Variants in RFX1 observed in about 807,000 individuals in gnomAD.
RFX1 encodes MHC class II regulatory factor RFX1.
RFX1 carries 42 observed loss-of-function variants against 119.6 expected under a neutral mutation model. The observed-to-expected ratio is 0.35, with a 90% CI of 0.27 to 0.45. RFX1 has a LOEUF of 0.45. Ranked by LOEUF, RFX1 falls within the 20% of genes least tolerant of loss-of-function variation. RFX1 has a pLI of 1.00. For missense variants in RFX1, 1,118 were observed against 1,368.1 expected (o/e 0.82, Z 2.88); for synonymous variants, 628 against 618.5 (o/e 1.02, Z -0.23).
Position 13,969,826 on chromosome 19 carries a change from C to T in RFX1, c.1496+168G>A, listed in dbSNP as rs749172480. The T allele has an allele frequency of 2.1e-4, 123 of 591,332 alleles. No individual in the cohort carries two copies. The highest frequency in any genetic ancestry group is 3.2e-4 in the Non-Finnish European group (111 of 349,250). 36.6% of individuals were successfully genotyped at this position (591,332 alleles called of 1,614,324 possible). On this transcript the variant is annotated intron_variant, in intron 10 of 20. Transcript: ENST00000254325. The surrounding 1 kb of genome is among the most constrained non-coding windows in gnomAD (Gnocchi z 4.5). Reference sequence around the variant, plus strand: ...GAGAAGCACATGAGGTGGAAGGCACCGCCAGTGCAAAGGCCTAGAGTGGGA... The same window carrying T: ...GAGAAGCACATGAGGTGGAAGGCACTGCCAGTGCAAAGGCCTAGAGTGGGA...
rs1395598181 is a variant in RFX1, at chr19:13,986,772, C to A, written c.320-3177G>T. On this transcript the variant is annotated intron_variant, in intron 2 of 20. Transcript: ENST00000254325. This position sits in a 1 kb window ranked among gnomAD's most constrained non-coding sequence, Gnocchi z 4.2. ...GCACCCATCCTCCCCGGGCCCCGCA[C>A]TTCCCCATCTAGACCTACTCAAACC... Among the ~76,000 whole-genome samples the A allele has an allele frequency of 6.6e-6, 1 of 152,168 alleles. No individual in the cohort carries two copies. The highest frequency in any genetic ancestry group is 1.5e-5 in the Non-Finnish European group (1 of 68,010).
At chr19:13,979,228 C>G (rs913713652) in intron 7 of RFX1, among the ~76,000 whole-genome samples, 2 of 152,202 alleles carry the variant, frequency 1.3e-5, no homozygotes, top group African/African-American at 4.8e-5. Flanking sequence ...TTAGAACTGA[C>G]CCAGGGCCAC....
intron 1 of RFX1, among the ~76,000 whole-genome samples, chr19:13,996,935 G>A (rs1245147083): frequency 1.3e-5 from 2 of 152,078 alleles, no homozygotes; most frequent in African/African-American, 4.8e-5. Flanking sequence ...TGTTGGTTGG[G>A]CAGGTCTTGA....
rs751268475 is a variant in RFX1, at chr19:13,969,431, T to A, written c.1497-537A>T. On this transcript the variant is annotated intron_variant, in intron 10 of 20. Coordinates refer to ENST00000254325, the MANE Select transcript of RFX1 (RefSeq NM_002918.5). This position sits in a 1 kb window ranked among gnomAD's most constrained non-coding sequence, Gnocchi z 4.5. ...ACTTTGGGAGGCCAAGGCAGGTGGA[T>A]CACTTGAGGACAGGAGTTCAAGACC... 6.6e-6 allele frequency among the ~76,000 whole-genome samples: 1 copy of A among 151,962 alleles called. No homozygotes were observed. The highest frequency in any genetic ancestry group is 2.4e-5 in the African/African-American group (1 of 41,354).
chr19:13,988,239 C>G (rs989100846), intron 2 of RFX1, among the ~76,000 whole-genome samples: 1 of 152,046 alleles, frequency 6.6e-6, no homozygotes, highest in Non-Finnish European at 1.5e-5. Flanking sequence ...GTTGGCCAGG[C>G]TGGTCTTGAA....
At chr19:13,979,086 GACAA>G (rs1974348227) in intron 7 of RFX1, among the ~76,000 whole-genome samples, 2 of 151,902 alleles carry the variant, frequency 1.3e-5, no homozygotes, top group South Asian at 2.1e-4. Flanking sequence ...AGCTCTGGAG[GACAA>G]ACAGAGACAC....
At position 13,995,851 on chromosome 19, in the gene RFX1, CAAAAA is replaced by C. The variant is rs57542235; in HGVS notation, c.-52-1961_-52-1957del. On this transcript the variant is annotated intron_variant, in intron 1 of 20. Coordinates refer to ENST00000254325, the MANE Select transcript of RFX1 (RefSeq NM_002918.5). The stretch of plus-strand genomic sequence containing the variant: ...GGGCAACAAAGTGACACTCTGTCTC[CAAAAA>C]AAAAAAAAAAAAAAAAAAAAAATTA... Among the ~76,000 whole-genome samples, 112 of 35,616 alleles carry C rather than the reference CAAAAA, an allele frequency of 3.1e-3. 1 individual carries two copies. The highest frequency in any genetic ancestry group is 7.1e-3 in the African/African-American group (101 of 14,138). The allele number at this position is 35,616 out of a possible 152,430, so 23.4% of individuals were successfully genotyped here.
In RFX1 at chr19:13,966,236, T is replaced by C. The variant is rs1973892597; in HGVS notation, c.1961+185A>G. Among the ~76,000 whole-genome samples, 1 of 152,146 alleles carries C rather than the reference T, an allele frequency of 6.6e-6. No homozygotes were observed. Among genetic ancestry groups the C allele is most frequent in the African/African-American group, 2.4e-5 (1 of 41,416 alleles). ...TGGTGCCCTGCCCCATGCCTGGGCT[T>C]AGTCAGGCACTCCACCCCCGACTGT... is the stretch of plus-strand genomic sequence containing the variant. On this transcript the variant is annotated intron_variant, in intron 14 of 20. Transcript: ENST00000254325. This position sits in a 1 kb window ranked among gnomAD's most constrained non-coding sequence, Gnocchi z 6.3.
chr19:13,981,904 G>A (rs375895283), intron 5 of RFX1, among the ~76,000 whole-genome samples: 129 of 152,336 alleles, frequency 8.5e-4, no homozygotes, highest in African/African-American at 2.2e-3. Flanking sequence ...CTCCACGGCC[G>A]CTTAGCTCAG....
At chr19:14,000,824 G>C (rs1427651811) in intron 1 of RFX1, among the ~76,000 whole-genome samples, 1 of 152,078 alleles carries the variant, frequency 6.6e-6, no homozygotes, top group Non-Finnish European at 1.5e-5. Context: ...GACAGGCATG[G>C]CGGCTCACGC....
chr19:13,978,973 G>C (rs936474942), intron 7 of RFX1, among the ~76,000 whole-genome samples: 70 of 151,416 alleles, frequency 4.6e-4, no homozygotes, highest in Non-Finnish European at 9.1e-4. Flanking sequence ...GCCTAGCTGC[G>C]GGGCCTCGCC....
At chr19:13,983,108 G>C in intron 4 of RFX1, 79 bp downstream of exon 4, 1 of 1,122,400 alleles carries the variant, frequency 8.9e-7, no homozygotes, top group Non-Finnish European at 1.3e-6. Flanking sequence ...GGTGAGGACA[G>C]ATCCAGGCTT....
At chr19:14,006,052 C>T in intron 1 of RFX1, 51 bp downstream of exon 1, 1 of 152,300 alleles carries the variant, frequency 6.6e-6, no homozygotes, top group Non-Finnish European at 1.5e-5. Context: ...ACTGCCCCGG[C>T]CCCGCCGCCC....
In RFX1 at chr19:13,966,802, C is replaced by T. The variant is rs1281881515; in HGVS notation, c.1733-51G>A. Reference sequence around the variant, plus strand: ...GCCCTTCATCCCCCTTGCCTGCCCACCCTGGGGTCCTACTGACCTGTCCGT... The same window carrying T: ...GCCCTTCATCCCCCTTGCCTGCCCATCCTGGGGTCCTACTGACCTGTCCGT... On this transcript the variant is annotated intron_variant, in intron 12 of 20. Transcript: ENST00000254325. The surrounding 1 kb of genome is among the most constrained non-coding windows in gnomAD (Gnocchi z 6.3). The T allele has an allele frequency of 3.9e-6, 5 of 1,269,298 alleles. No homozygotes were observed. Among genetic ancestry groups the T allele is most frequent in the Non-Finnish European group, 5.6e-6 (5 of 895,226 alleles). 78.6% of individuals were successfully genotyped at this position (1,269,298 alleles called of 1,614,324 possible).
intron 2 of RFX1, among the ~76,000 whole-genome samples, chr19:13,991,414 G>C (rs1246248871): frequency 2.6e-5 from 4 of 152,172 alleles, no homozygotes; most frequent in Non-Finnish European, 5.9e-5. Flanking sequence ...CATGACTGCA[G>C]CCCGACCTCA....
intron 9 of RFX1, among the ~76,000 whole-genome samples, chr19:13,971,729 G>T (rs749841491): frequency 6.6e-6 from 1 of 152,040 alleles, no homozygotes; most frequent in Non-Finnish European, 1.5e-5. Flanking sequence ...TTTAAAATCC[G>T]CCAGGCGTGG....
Position 13,968,689 on chromosome 19 carries a change from G to A in RFX1, c.1617-9C>T. On this transcript the variant is annotated splice_polypyrimidine_tract_variant and intron_variant, in intron 11 of 20. Coordinates refer to ENST00000254325, the MANE Select transcript of RFX1 (RefSeq NM_002918.5). This position sits in a 1 kb window ranked among gnomAD's most constrained non-coding sequence, Gnocchi z 5.5. ...TCTGGATGGGCTTGAGCCTGGAGTA[G>A]AATGGGCAGGTGGGCCGGCTGCTGG... The A allele has an allele frequency of 6.2e-7, 1 of 1,612,608 alleles. No homozygotes were observed. The highest frequency in any genetic ancestry group is 8.5e-7 in the Non-Finnish European group (1 of 1,179,720).
intron 2 of RFX1, among the ~76,000 whole-genome samples, chr19:13,992,760 C>G (rs1040863400): frequency 1.3e-5 from 2 of 152,218 alleles, no homozygotes; most frequent in African/African-American, 4.8e-5. Flanking sequence ...CCTCTGTCTC[C>G]CACAGGTGCA....
intron 1 of RFX1, among the ~76,000 whole-genome samples, chr19:13,998,586 G>A (rs1258727727): frequency 6.6e-6 from 1 of 152,174 alleles, no homozygotes; most frequent in Non-Finnish European, 1.5e-5. Context: ...ATCCAAGCCA[G>A]GTTGGGACAG....
Sources: allele counts gnomAD v4.1 joint callset (sites outside exome capture counted in the v4.1 genomes callset), GRCh38; gene constraint gnomAD v4.1.1; non-coding constraint Gnocchi (gnomAD v3.1); transcripts MANE v1.5; gene names NCBI Gene and HGNC (gene_info 2026-07-23, HGNC 2026-07-21).